Variants in CSMD2 observed in about 807,000 individuals in gnomAD.
The protein encoded by CSMD2 is CUB and Sushi multiple domains 2.
In CSMD2, 130 loss-of-function variants were observed where a neutral mutation model predicts 398.5. The ratio of observed to expected loss-of-function variants is 0.33; its 90% CI spans 0.28 to 0.38. The LOEUF is 0.38. CSMD2 is among the 10% of genes least tolerant of loss of function. The pLI, the probability that CSMD2 is intolerant of heterozygous loss-of-function variation, is 1.00. For synonymous variants in CSMD2, 1,828 were observed against 1,908.5 expected, an observed-to-expected ratio of 0.96 and a Z score of 1.10; for missense variants, 3,829 against 4,764.9, an observed-to-expected ratio of 0.80 and a Z score of 5.78.
At chr1:34,041,966 C>T (rs1293948477) in intron 2 of CSMD2, among the ~76,000 whole-genome samples, 3 of 152,190 alleles carry the variant, frequency 2.0e-5, no homozygotes, top group East Asian at 1.9e-4. Flanking sequence ...GTCTCAGATG[C>T]TGATCCTCAG....
chr1:33,542,729 C>T lies in CSMD2; in HGVS notation c.9268G>A (p.Glu3090Lys). ...GGGCCTGAGCTCTCACCGAGGCACT[C>T]AGGGTCACTGCCTGTCCAGGTACCA... ...VNGTWTGSDPECLVINCGDPG... is the reference protein window; with the variant it reads ...VNGTWTGSDPKCLVINCGDPG... The change falls in exon 58 of 71, where the codon GAG (glutamate) becomes AAG (lysine). Residue 3090 changes from glutamate to lysine, a missense_variant. Glu to Lys is a moderately conservative substitution (Grantham distance 56). This residue lies in a region of CSMD2 where 917 missense variants were observed against 1,199.5 expected (regional missense o/e 0.76). Transcript: ENST00000373381. 1 of 1,613,420 alleles carries T rather than the reference C, an allele frequency of 6.2e-7. No homozygotes were observed. The highest frequency in any genetic ancestry group is 8.5e-7 in the Non-Finnish European group (1 of 1,179,728).
At chr1:33,807,888 T>C (rs1429144556) in intron 10 of CSMD2, among the ~76,000 whole-genome samples, 1 of 151,976 alleles carries the variant, frequency 6.6e-6, no homozygotes, top group African/African-American at 2.4e-5. Flanking sequence ...ACAAAACACA[T>C]ATAAAGCACA....
intron 58 of CSMD2, 147 bp from the exon 59 acceptor site, chr1:33,541,456 C>A: frequency 4.6e-6 from 3 of 657,092 alleles, no homozygotes; most frequent in Non-Finnish European, 7.9e-6. Flanking sequence ...CCCAGTTGGA[C>A]ATTACCCATT....
At chr1:33,658,952 T>C (rs1644037756) in intron 26 of CSMD2, among the ~76,000 whole-genome samples, 2 of 152,202 alleles carry the variant, frequency 1.3e-5, no homozygotes, top group South Asian at 4.1e-4. Context: ...TGCTAAGCAG[T>C]GGTTGTGAGG....
At chr1:33,538,211 A>T (rs1655986605) in intron 60 of CSMD2, among the ~76,000 whole-genome samples, 2 of 151,928 alleles carry the variant, frequency 1.3e-5, no homozygotes, top group Non-Finnish European at 2.9e-5. Context: ...CACATGTATT[A>T]CTTTCTTAGG....
At chr1:33,554,357 C>G (rs572527521) in intron 55 of CSMD2, among the ~76,000 whole-genome samples, 4 of 152,034 alleles carry the variant, frequency 2.6e-5, no homozygotes, top group Middle Eastern at 6.8e-3. Flanking sequence ...CCACGCCTGG[C>G]TAATTTTTTT....
chr1:33,563,136 A>C (rs372746411), intron 53 of CSMD2, among the ~76,000 whole-genome samples: 16 of 152,192 alleles, frequency 1.1e-4, no homozygotes, highest in African/African-American at 3.9e-4. Context: ...TAGTTTCCTA[A>C]GGGCAGAGAT....
At chr1:33,623,965 C>T (rs563195283) in intron 35 of CSMD2, among the ~76,000 whole-genome samples, 5 of 152,192 alleles carry the variant, frequency 3.3e-5, no homozygotes, top group Admixed American at 1.3e-4. Context: ...CTGCCTGGCT[C>T]TTACCCCTGG....
At chr1:33,756,779 C>T (rs1412688065) in intron 13 of CSMD2, among the ~76,000 whole-genome samples, 3 of 152,138 alleles carry the variant, frequency 2.0e-5, no homozygotes, top group Admixed American at 6.5e-5. Flanking sequence ...ACTAGAAATA[C>T]CATTTGACCC....
chr1:34,001,419 A>G (rs1215205285), intron 3 of CSMD2, among the ~76,000 whole-genome samples: 1 of 152,206 alleles, frequency 6.6e-6, no homozygotes, highest in Non-Finnish European at 1.5e-5. Context: ...TCATATGGAC[A>G]TCTAGGCAGA....
rs1177410324 is a variant in CSMD2, at chr1:33,864,833, G to C, written c.921-17837C>G. On this transcript the variant is annotated intron_variant, in intron 5 of 70. Transcript: ENST00000373381. The stretch of plus-strand genomic sequence containing the variant: ...TCATGTGTGGCATTAGAGTAGCTGT[G>C]ACTGATGCTTTGTGGAGGAGGGAGT... 3 of 1,216,426 alleles carry C rather than the reference G, an allele frequency of 2.5e-6. No homozygotes were observed. In the African/African-American group the frequency reaches 4.7e-5, roughly 19 times the overall value. The allele number at this position is 1,216,426 out of a possible 1,614,324, so 75.4% of individuals were successfully genotyped here.
intron 5 of CSMD2, among the ~76,000 whole-genome samples, chr1:33,872,207 G>A (rs1433363401): frequency 6.6e-6 from 1 of 152,142 alleles, no homozygotes; most frequent in Non-Finnish European, 1.5e-5. Flanking sequence ...ATCTAGCTAT[G>A]GAGATGTCCA....
chr1:33,975,040 T>C (rs1189891831), intron 3 of CSMD2, among the ~76,000 whole-genome samples: 3 of 152,218 alleles, frequency 2.0e-5, no homozygotes, highest in Non-Finnish European at 4.4e-5. Context: ...CACTTTCCAC[T>C]GCACAAAGCT....
chr1:33,810,479 C>G (rs946548291), intron 10 of CSMD2, among the ~76,000 whole-genome samples: 1 of 151,908 alleles, frequency 6.6e-6, no homozygotes, highest in African/African-American at 2.4e-5. Context: ...TGGTGAGGAA[C>G]CTGCATCACT....
intron 2 of CSMD2, among the ~76,000 whole-genome samples, chr1:34,076,909 CAAAAA>C (rs1160217243): frequency 2.0e-4 from 2 of 10,210 alleles, no homozygotes; most frequent in Non-Finnish European, 3.5e-4. Context: ...TACAGCAAAG[CAAAAA>C]AAAAAAAAAA....
At chr1:33,577,586 T>A in intron 48 of CSMD2, 102 bp from the exon 49 acceptor site, 1 of 990,758 alleles carries the variant, frequency 1.0e-6, no homozygotes, top group East Asian at 2.7e-5. Flanking sequence ...CATCCCCTTG[T>A]CTTTGCCACT....
intron 15 of CSMD2, among the ~76,000 whole-genome samples, chr1:33,737,537 C>T (rs531916760): frequency 1.3e-5 from 2 of 152,302 alleles, no homozygotes; most frequent in East Asian, 3.9e-4. Context: ...CCATTATCAA[C>T]CTGCATTTTA....
chr1:33,853,663 A>C (rs947362576), intron 5 of CSMD2, among the ~76,000 whole-genome samples: 1 of 151,998 alleles, frequency 6.6e-6, no homozygotes, highest in African/African-American at 2.4e-5. Flanking sequence ...GGGGTGGGAG[A>C]CTGCCTGTTG....
chr1:34,072,145 G>A lies in CSMD2; in HGVS notation c.404+16832C>T, dbSNP rs146030347. Among the ~76,000 whole-genome samples the A allele has an allele frequency of 5.7e-4, 87 of 152,338 alleles. 1 individual carries two copies. In the East Asian group the frequency reaches 0.016, roughly 29 times the overall value. On this transcript the variant is annotated intron_variant, in intron 2 of 70. Transcript: ENST00000373381. ...CAAAAGGCTGGCCTCACTGTTTATG[G>A]GTAGTTGTGGCAGTAGACCCACTTA...
Sources: allele counts gnomAD v4.1 joint callset (sites outside exome capture counted in the v4.1 genomes callset), GRCh38; gene constraint gnomAD v4.1.1; regional missense constraint gnomAD v4.1.1; transcripts MANE v1.5; gene names NCBI Gene and HGNC (gene_info 2026-07-23, HGNC 2026-07-21).